TECTB: variants seen among roughly 807,000 people sequenced by gnomAD.
TECTB encodes tectorin beta, also known as beta-tectorin.
In TECTB, 45 loss-of-function variants were observed where a neutral mutation model predicts 43.3. The ratio of observed to expected loss-of-function variants is 1.04; its 90% confidence interval spans 0.82 to 1.33. TECTB has a LOEUF of 1.33. Ranked by LOEUF, TECTB falls within the 40% of genes most tolerant of loss-of-function variation. The pLI, the probability that TECTB is intolerant of heterozygous loss-of-function variation, is 0.00. For synonymous variants in TECTB, 169 were observed against 156.7 expected, an observed-to-expected ratio of 1.08 and a Z score of -0.59; for missense variants, 399 against 404.7, an observed-to-expected ratio of 0.99 and a Z score of 0.12.
At chr10:112,292,888 C>G (rs1848511183) in intron 5 of TECTB, among the ~76,000 whole-genome samples, 2 of 152,156 alleles carry the variant, frequency 1.3e-5, no homozygotes, top group Non-Finnish European at 2.9e-5. Context: ...TGCCCCAGGG[C>G]CTTTATCCTG....
At chr10:112,287,335 G>A (rs753578208) in intron 5 of TECTB, among the ~76,000 whole-genome samples, 1 of 152,196 alleles carries the variant, frequency 6.6e-6, no homozygotes. Context: ...ATGGCCATTT[G>A]CCCAGCTGCT....
chr10:112,298,357 T>C (rs568641822), intron 8 of TECTB, 126 bp downstream of exon 8: 6 of 1,241,378 alleles, frequency 4.8e-6, no homozygotes, highest in African/African-American at 1.5e-5. Flanking sequence ...CTGGAGGAAA[T>C]GGCACTGAGT....
intron 9 of TECTB, among the ~76,000 whole-genome samples, chr10:112,301,710 G>A (rs1351694775): frequency 3.3e-5 from 5 of 152,178 alleles, no homozygotes; most frequent in African/African-American, 7.2e-5. Context: ...TTAATCAGGG[G>A]AGGATTGTGG....
Position 112,304,840 on chromosome 10 carries a change from T to C in TECTB, c.*1528T>C, listed in dbSNP as rs974938528. 2 of 147,566 alleles carry C rather than the reference T, an allele frequency of 1.4e-5. No homozygotes were observed. Among genetic ancestry groups the C allele is most frequent in the Admixed American group, 6.6e-5 (1 of 15,122 alleles). 9.1% of individuals were successfully genotyped at this position (147,566 alleles called of 1,614,324 possible). On this transcript the variant is annotated 3_prime_UTR_variant, in exon 11 of 11. Coordinates refer to ENST00000646139, the MANE Select transcript of TECTB (RefSeq NM_058222.3). ...TCTTTCTGTAAATTCAGAGTTTTTA[T>C]AGTCAGGAAAAACAGAAGACATATT... is the stretch of plus-strand genomic sequence containing the variant.
At chr10:112,290,844 C>T (rs1358486267) in intron 5 of TECTB, among the ~76,000 whole-genome samples, 1 of 152,194 alleles carries the variant, frequency 6.6e-6, no homozygotes, top group Admixed American at 6.5e-5. Context: ...CAACTGACTT[C>T]TAGGTGACTG....
At chr10:112,292,977 A>G (rs1848512312) in intron 5 of TECTB, among the ~76,000 whole-genome samples, 1 of 152,036 alleles carries the variant, frequency 6.6e-6, no homozygotes. Flanking sequence ...TCACATCCTC[A>G]GTGAGGCCTC....
Position 112,298,188 on chromosome 10 carries a change from G to A in TECTB, c.791G>A (p.Cys264Tyr). The change falls in exon 8 of 11, where the codon TGT becomes TAT. Residue 264 changes from cysteine (C) to tyrosine (Y), a missense_variant. Coordinates refer to ENST00000646139, the MANE Select transcript of TECTB (RefSeq NM_058222.3). ...AAACTCTCCAAGGTGTGGTTACACT[G>A]TGAGACGTTCATCTGCGACAGTGAG... ...IPKLSKVWLH[C>Y]ETFICDSEKL... 6.2e-7 allele frequency: 1 copy of A among 1,614,228 alleles called. No individual in the cohort carries two copies.
intron 5 of TECTB, among the ~76,000 whole-genome samples, chr10:112,292,738 C>T (rs1848509523): frequency 6.6e-6 from 1 of 152,160 alleles, no homozygotes; most frequent in Admixed American, 6.5e-5. Context: ...GCCACAGCGC[C>T]CAGCCAGCCC....
At chr10:112,295,569 T>C (rs1848538269) in intron 7 of TECTB, among the ~76,000 whole-genome samples, 1 of 152,254 alleles carries the variant, frequency 6.6e-6, no homozygotes, top group South Asian at 2.1e-4. Flanking sequence ...CAAAGCCTCC[T>C]GTAGAGATGG....
rs1848629629 is a variant in TECTB, at chr10:112,303,462, T to G, written c.*150T>G. On this transcript the variant is annotated 3_prime_UTR_variant, in exon 11 of 11. Coordinates refer to ENST00000646139, the MANE Select transcript of TECTB (RefSeq NM_058222.3). The stretch of plus-strand genomic sequence containing the variant: ...TTGCCAAATATGCACTCCAATAATT[T>G]CTGTGAATTTGGTGATGCCTTTTTC... 1 of 948,696 alleles carries G rather than the reference T, an allele frequency of 1.1e-6. No individual in the cohort carries two copies. The highest frequency in any genetic ancestry group is 2.5e-5 in the East Asian group (1 of 40,620). The allele number at this position is 948,696 out of a possible 1,614,324, so 58.8% of individuals were successfully genotyped here.
chr10:112,284,448 C>T, intron 2 of TECTB, 87 bp from the exon 3 acceptor site: 1 of 1,310,904 alleles, frequency 7.6e-7, no homozygotes, highest in Non-Finnish European at 1.0e-6. Context: ...CTTTTGCATG[C>T]TCAGGTGTAG....
At chr10:112,300,230 TA>T (rs140076890) in intron 9 of TECTB, among the ~76,000 whole-genome samples, 22 of 55,024 alleles carry the variant, frequency 4.0e-4, no homozygotes, top group African/African-American at 1.6e-3. Flanking sequence ...CAGAAAGAAA[TA>T]AAGAAAGAAA....
chr10:112,289,381 A>G (rs1391922756), intron 5 of TECTB, among the ~76,000 whole-genome samples: 1 of 152,228 alleles, frequency 6.6e-6, no homozygotes, highest in Non-Finnish European at 1.5e-5. Context: ...GGCCAAAATC[A>G]TAGACTCCAG....
chr10:112,304,636 G>T lies in TECTB; in HGVS notation c.*1324G>T, dbSNP rs147580794. The T allele has an allele frequency of 2.0e-5, 3 of 148,968 alleles. No individual in the cohort carries two copies. The highest frequency in any genetic ancestry group is 7.8e-5 in the African/African-American group (3 of 38,384). The allele number at this position is 148,968 out of a possible 1,614,324, so 9.2% of individuals were successfully genotyped here. ...GTATTTAAGGTATTTGAGAAGTTTTGCAATTTGCAGTTTGATGATTCTTTT... is the reference window on the plus strand; with the variant it reads ...GTATTTAAGGTATTTGAGAAGTTTTTCAATTTGCAGTTTGATGATTCTTTT... On this transcript the variant is annotated 3_prime_UTR_variant, in exon 11 of 11. Transcript: ENST00000646139.
chr10:112,289,503 A>T (rs574063837), intron 5 of TECTB, among the ~76,000 whole-genome samples: 29 of 152,156 alleles, frequency 1.9e-4, no homozygotes, highest in Non-Finnish European at 3.8e-4. Flanking sequence ...AGACAATGAT[A>T]TTTGGGCCTT....
At chr10:112,286,425 T>A in intron 5 of TECTB, 34 bp downstream of exon 5, 1 of 1,528,220 alleles carries the variant, frequency 6.5e-7, no homozygotes. Context: ...TACTTCCCTG[T>A]GGCCTTTCCT....
At chr10:112,294,533 A>G (rs1186566883) in intron 7 of TECTB, among the ~76,000 whole-genome samples, 2 of 152,202 alleles carry the variant, frequency 1.3e-5, no homozygotes, top group East Asian at 3.9e-4. Flanking sequence ...GGTACTTGCT[A>G]GATAGTCCAA....
intron 5 of TECTB, among the ~76,000 whole-genome samples, chr10:112,291,258 T>G (rs1848496760): frequency 6.6e-6 from 1 of 151,636 alleles, no homozygotes; most frequent in Non-Finnish European, 1.5e-5. Context: ...GCACTGTTCC[T>G]CTGTTAGTGT....
chr10:112,295,170 C>G (rs539596943), intron 7 of TECTB, among the ~76,000 whole-genome samples: 2 of 152,164 alleles, frequency 1.3e-5, no homozygotes, highest in Admixed American at 6.5e-5. Context: ...AAGCATGTAA[C>G]AGACCAATGT....
Sources: gnomAD v4.1 joint callset for allele counts (sites outside exome capture counted in the v4.1 genomes callset) on GRCh38, gnomAD v4.1.1 for gene constraint, MANE v1.5 for transcripts, NCBI Gene and HGNC (gene_info 2026-07-23, HGNC 2026-07-21) for gene names.